Variants in CACNA1H observed in about 807,000 individuals in gnomAD.
The protein encoded by CACNA1H is voltage-dependent T-type calcium channel subunit alpha-1H.
A neutral mutation model predicts 192.5 loss-of-function variants in CACNA1H; 149 were observed. The observed-to-expected ratio is 0.77, with a 90% CI of 0.68 to 0.89. The LOEUF is 0.89. Ranked by LOEUF, CACNA1H falls within the 40% of genes least tolerant of loss-of-function variation. The pLI is 0.00. For synonymous variants in CACNA1H, 2,202 were observed against 1,475.2 expected (o/e 1.49, Z -11.29); for missense variants, 4,257 against 3,423.5 (o/e 1.24, Z -6.08).
intron 2 of CACNA1H, among the ~76,000 whole-genome samples, chr16:1,154,606 C>G (rs1040663401): frequency 2.6e-5 from 4 of 152,118 alleles, no homozygotes; most frequent in Admixed American, 1.3e-4. Flanking sequence ...CTCGCTTTTT[C>G]TGGCTGAACT....
chr16:1,195,240 G>T, intron 3 of CACNA1H, among the ~76,000 whole-genome samples, 157 bp downstream of exon 3: 1 of 147,762 alleles, frequency 6.8e-6, no homozygotes, highest in Admixed American at 6.7e-5. Flanking sequence ...GCGCGAGGTG[G>T]GGCTGGGGGT....
intron 2 of CACNA1H, among the ~76,000 whole-genome samples, chr16:1,189,735 T>C (rs1414866348): frequency 4.6e-5 from 7 of 151,714 alleles, no homozygotes. Context: ...AGAGCACTGA[T>C]TATAGAGTGT....
intron 25 of CACNA1H, 41 bp downstream of exon 25, chr16:1,212,179 C>T (rs1969529227): frequency 6.4e-7 from 1 of 1,569,674 alleles, no homozygotes; most frequent in East Asian, 2.3e-5. Flanking sequence ...CGGGTCGGTA[C>T]CTGTGTGCCC....
rs1304683492 is a variant in CACNA1H at position 1,210,954 on chromosome 16, G to A, written c.4206G>A (p.Arg1402=). The change falls in exon 21 of 35, where the codon CGG becomes CGA. Residue 1402 remains arginine, a synonymous_variant. Transcript: ENST00000348261. Reference sequence around the variant, plus strand: ...TTCTGCGCGTGCTGCGTCTGCTGCGGACCCTGCGGCCTCTGAGGTGGGGGG... The same window carrying A: ...TTCTGCGCGTGCTGCGTCTGCTGCGAACCCTGCGGCCTCTGAGGTGGGGGG... ...LGVLRVLRLL[R]TLRPLRVISR... The A allele has an allele frequency of 6.3e-7, 1 of 1,597,826 alleles. No homozygotes were observed. Among genetic ancestry groups the A allele is most frequent in the South Asian group, 1.1e-5 (1 of 90,950 alleles).
chr16:1,188,155 A>G (rs1161929203), intron 2 of CACNA1H, among the ~76,000 whole-genome samples: 12 of 152,294 alleles, frequency 7.9e-5, no homozygotes, highest in African/African-American at 2.4e-4. Context: ...TGGCCTGAGG[A>G]TTAGTCACGG....
At chr16:1,197,340 A>G (rs1178572445) in intron 5 of CACNA1H, among the ~76,000 whole-genome samples, 1 of 152,230 alleles carries the variant, frequency 6.6e-6, no homozygotes, top group Non-Finnish European at 1.5e-5. Flanking sequence ...CTGTACGTTC[A>G]GTCTGCACGC....
Position 1,220,967 on chromosome 16 carries a change from A to T in CACNA1H, c.7035A>T (p.Pro2345=), listed in dbSNP as rs1332131143. 1 of 1,602,560 alleles carries T rather than the reference A, an allele frequency of 6.2e-7. No individual in the cohort carries two copies. Among genetic ancestry groups the T allele is most frequent in the Admixed American group, 1.7e-5 (1 of 58,444 alleles). Residue 2345 remains proline, a synonymous_variant, in exon 35 of 35, where the codon CCA becomes CCT. Transcript: ENST00000348261. The part of the protein sequence containing the change: ...KPGSPSATPA[P]GGGADDPV ...GGTCCCCCTCAGCCACCCCTGCCCC[A>T]GGGGGTGGTGCAGATGACCCCGTGT...
rs555556932 is a variant in CACNA1H, at chr16:1,187,460, C to T, written c.300-7512C>T. On this transcript the variant is annotated intron_variant, in intron 2 of 34. Transcript: ENST00000348261. ...GGCTTCTCCTTCCTGCTGTGGGTGCCTTTCCCGCCCACACCCCTGCCCCTG... is the reference window on the plus strand; with the variant it reads ...GGCTTCTCCTTCCTGCTGTGGGTGCTTTTCCCGCCCACACCCCTGCCCCTG... Among the ~76,000 whole-genome samples, 17 of 152,388 alleles carry T rather than the reference C, an allele frequency of 1.1e-4. No individual in the cohort carries two copies. In the South Asian group the frequency reaches 3.5e-3, roughly 32 times the overall value.
intron 18 of CACNA1H, 105 bp from the exon 19 acceptor site, chr16:1,210,265 G>A: frequency 8.0e-7 from 1 of 1,252,580 alleles, no homozygotes; most frequent in Non-Finnish European, 1.1e-6. Flanking sequence ...ACACCGCAGG[G>A]ACCGGGGCTG....
At position 1,219,042 on chromosome 16, in the gene CACNA1H, C is replaced by T; in HGVS notation, c.5960C>T (p.Ser1987Phe). 6.5e-7 allele frequency: 1 copy of T among 1,549,814 alleles called. No individual in the cohort carries two copies. Among genetic ancestry groups the T allele is most frequent in the Non-Finnish European group, 8.7e-7 (1 of 1,146,590 alleles). ...CTCCAGATCCCATTGGCTGTGTCGTCCCCAGCCAGGAGCGGCGAGCCCCTC... is the reference window on the plus strand; with the variant it reads ...CTCCAGATCCCATTGGCTGTGTCGTTCCCAGCCAGGAGCGGCGAGCCCCTC... ...ASLQIPLAVS[S>F]PARSGEPLHA... is the part of the protein sequence containing the mutation. The change falls in exon 34 of 35, where the codon TCC becomes TTC. Residue 1987 changes from serine (S) to phenylalanine (F), a missense_variant. Physicochemically the swap from Ser to Phe is radical, Grantham distance 155. Transcript: ENST00000348261.
chr16:1,212,217 G>A (rs758047061), intron 25 of CACNA1H, 79 bp downstream of exon 25: 74 of 1,494,866 alleles, frequency 5.0e-5, no homozygotes, highest in South Asian at 6.4e-5. Flanking sequence ...CTCCACTCCC[G>A]CCCCGGCCTC....
chr16:1,205,121 A>T lies in CACNA1H; in HGVS notation c.2459A>T (p.Glu820Val), dbSNP rs1364699113. ...MGVEYHEQPE[E>V]LTNALEISNI... ...CCCCACCTCTGCCTGCAGCCCGAGG[A>T]GCTGACTAATGCTCTGGAGATCAGC... The change falls in exon 11 of 35, where the codon GAG (glutamate) becomes GTG (valine). Residue 820 changes from glutamate to valine, a missense_variant. Coordinates refer to ENST00000348261, the MANE Select transcript of CACNA1H (RefSeq NM_021098.3). 3.1e-6 allele frequency: 5 copies of T among 1,611,630 alleles called. No homozygotes were observed. Among genetic ancestry groups the T allele is most frequent in the African/African-American group, 1.3e-5 (1 of 74,866 alleles).
At chr16:1,204,662 C>A (rs942078975) in intron 10 of CACNA1H, among the ~76,000 whole-genome samples, 1 of 152,234 alleles carries the variant, frequency 6.6e-6, no homozygotes, top group African/African-American at 2.4e-5. Flanking sequence ...CTGGCCTCCT[C>A]TCTAGACGGC....
intron 5 of CACNA1H, among the ~76,000 whole-genome samples, chr16:1,198,114 G>GC (rs543969973): frequency 6.2e-4 from 95 of 152,286 alleles, no homozygotes; most frequent in Non-Finnish European, 1.1e-3. Flanking sequence ...CCAGGAGGCA[G>GC]CCCACCACCT....
intron 2 of CACNA1H, among the ~76,000 whole-genome samples, chr16:1,187,078 C>G (rs1048920534): frequency 6.6e-6 from 1 of 152,266 alleles, no homozygotes; most frequent in Non-Finnish European, 1.5e-5. Context: ...AGCCCGCGAC[C>G]GTCCCCTCCG....
Position 1,220,179 on chromosome 16 carries a change from C to G in CACNA1H, c.6247C>G (p.Pro2083Ala), listed in dbSNP as rs1970369476. 6.6e-7 allele frequency: 1 copy of G among 1,520,118 alleles called. No individual in the cohort carries two copies. Among genetic ancestry groups the G allele is most frequent in the Non-Finnish European group, 8.8e-7 (1 of 1,138,520 alleles). The allele number at this position is 1,520,118 out of a possible 1,614,324, so 94.2% of individuals were successfully genotyped here. ...TFGQRCVSSRPAAPGGEEAEA... is the reference protein window; with the variant it reads ...TFGQRCVSSRAAAPGGEEAEA... Reference sequence around the variant, plus strand: ...CGGACAGCGCTGCGTCTCCAGCCGGCCGGCGGCCCCAGGCGGAGAGGAGGC... The same window carrying G: ...CGGACAGCGCTGCGTCTCCAGCCGGGCGGCGGCCCCAGGCGGAGAGGAGGC... The change falls in exon 35 of 35, where the codon CCG (proline) becomes GCG (alanine). Residue 2083 changes from proline to alanine, a missense_variant. Physicochemically the swap from Pro to Ala is conservative, Grantham distance 27. Coordinates refer to ENST00000348261, the MANE Select transcript of CACNA1H (RefSeq NM_021098.3).
At chr16:1,203,784 C>T (rs943894357) in intron 9 of CACNA1H, among the ~76,000 whole-genome samples, 1 of 152,196 alleles carries the variant, frequency 6.6e-6, no homozygotes, top group Non-Finnish European at 1.5e-5. Context: ...AGTCGTGGCT[C>T]AGGGCCCTCC....
intron 2 of CACNA1H, among the ~76,000 whole-genome samples, chr16:1,179,263 CAG>C (rs139548986): frequency 0.011 from 1,651 of 152,078 alleles, 22 homozygotes; most frequent in African/African-American, 0.029. Context: ...GGTTTGGCCT[CAG>C]GGGCTCCTGG....
chr16:1,179,102 A>G (rs1043163202), intron 2 of CACNA1H, among the ~76,000 whole-genome samples: 2 of 152,024 alleles, frequency 1.3e-5, no homozygotes, highest in African/African-American at 2.4e-5. Flanking sequence ...CTCCCTGCAC[A>G]CTGTTACTCA....
Sources: gnomAD v4.1 joint callset for allele counts (sites outside exome capture counted in the v4.1 genomes callset) on GRCh38, gnomAD v4.1.1 for gene constraint, MANE v1.5 for transcripts, NCBI Gene and HGNC (gene_info 2026-07-23, HGNC 2026-07-21) for gene names.